The following ZNF726 variants were observed in gnomAD, a reference collection of about 807,000 sequenced individuals.
The protein encoded by ZNF726 is zinc finger protein 92 pseudogene 3.
In ZNF726, 15 loss-of-function variants were observed where a neutral mutation model predicts 11.6. The ratio of observed to expected loss-of-function variants is 1.29; its 90% CI spans 0.86 to 1.99. ZNF726 has a LOEUF of 1.99. ZNF726 is among the 30% of genes most tolerant of loss of function. ZNF726 has a pLI of 0.00. For missense variants in ZNF726, 890 were observed against 725.6 expected (o/e 1.23, Z -2.60); for synonymous variants, 295 against 243.6 (o/e 1.21, Z -1.96).
rs777685134 is a variant in ZNF726 at position 23,932,407 on chromosome 19, A to G, written c.291A>G (p.Lys97=). The G allele has an allele frequency of 6.5e-7, 1 of 1,537,504 alleles. No individual in the cohort carries two copies. Among genetic ancestry groups the G allele is most frequent in the Non-Finnish European group, 8.7e-7 (1 of 1,148,672 alleles). Residue 97 remains lysine (K), a synonymous_variant, in exon 4 of 4, where the codon AAA becomes AAG. Transcript: ENST00000594466. ...PEQGVEDSFQ[K]VILRRFEKCG... ...AGGGCGTGGAAGATTCTTTTCAAAAAGTAATACTAAGAAGATTTGAAAAAT... is the reference window on the plus strand; with the variant it reads ...AGGGCGTGGAAGATTCTTTTCAAAAGGTAATACTAAGAAGATTTGAAAAAT...
chr19:23,931,666 C>G (rs1449117993), intron 3 of ZNF726, among the ~76,000 whole-genome samples: 2 of 152,118 alleles, frequency 1.3e-5, no homozygotes, highest in Non-Finnish European at 2.9e-5. Context: ...TGTCTTGGCT[C>G]ATCATTATGG....
intron 4 of ZNF726, chr19:23,944,039 T>C (rs1014941725): frequency 3.9e-5 from 6 of 152,432 alleles, no homozygotes; most frequent in African/African-American, 1.4e-4. Context: ...CTTATTTCTC[T>C]ATTTTCTGTT....
intron 3 of ZNF726, among the ~76,000 whole-genome samples, chr19:23,942,621 T>C (rs910179948): frequency 2.0e-5 from 3 of 152,182 alleles, no homozygotes; most frequent in Non-Finnish European, 4.4e-5. Flanking sequence ...TTAATAATTG[T>C]TTTATAAATT....
Position 23,932,472 on chromosome 19 carries a change from GT to G in ZNF726, c.357del (p.Ser119ArgfsTer33). 6.3e-7 allele frequency: 1 copy of G among 1,585,918 alleles called. No homozygotes were observed. Among genetic ancestry groups the G allele is most frequent in the Non-Finnish European group, 8.5e-7 (1 of 1,169,682 alleles). On this transcript the variant is annotated frameshift_variant, in exon 4 of 4. Transcript: ENST00000594466. LOFTEE classifies it low-confidence loss of function (END_TRUNC). ...TTACAGTTAAGAAAAGGTTGTAAAA[GT>G]GTGGATGAGTGTAAGGTACACAAAG... ...ENLQLRKGCK[S>X]VDECKVHKEG...
At chr19:23,921,872 T>G (rs550549495) in intron 3 of ZNF726, among the ~76,000 whole-genome samples, 1 of 152,338 alleles carries the variant, frequency 6.6e-6, no homozygotes, top group African/African-American at 2.4e-5. Flanking sequence ...TTTTGACTAC[T>G]TCTTAATTCA....
At chr19:23,926,569 CAAAA>C (rs76766569) in intron 3 of ZNF726, among the ~76,000 whole-genome samples, 112 of 114,268 alleles carry the variant, frequency 9.8e-4, no homozygotes, top group Admixed American at 1.0e-3. Flanking sequence ...GACTCTGTTC[CAAAA>C]AAAAAAAAAA....
At chr19:23,925,086 T>C (rs981081686) in intron 3 of ZNF726, among the ~76,000 whole-genome samples, 5 of 152,202 alleles carry the variant, frequency 3.3e-5, no homozygotes, top group Non-Finnish European at 7.3e-5. Context: ...GTCTTATATA[T>C]CTAAGTGAAA....
intron 1 of ZNF726, among the ~76,000 whole-genome samples, chr19:23,917,838 A>G (rs1967742202): frequency 6.9e-6 from 1 of 144,338 alleles, no homozygotes; most frequent in Non-Finnish European, 1.5e-5. Flanking sequence ...TTAGTTTCAA[A>G]AATGAAATTA....
chr19:23,926,407 T>C (rs1423184836), intron 3 of ZNF726, among the ~76,000 whole-genome samples: 1 of 151,746 alleles, frequency 6.6e-6, no homozygotes, highest in Admixed American at 6.6e-5. Context: ...ACAAAAAAAT[T>C]AGCTGAGCGT....
downstream of ZNF726, chr19:23,936,250 G>A (rs1004394820): frequency 3.9e-5 from 6 of 152,102 alleles, no homozygotes; most frequent in Non-Finnish European, 8.8e-5. Flanking sequence ...AATATTTAGG[G>A]CACTCAAACT....
downstream of ZNF726, among the ~76,000 whole-genome samples, chr19:23,937,996 A>G (rs1290158656): frequency 6.6e-6 from 1 of 152,234 alleles, no homozygotes; most frequent in Non-Finnish European, 1.5e-5. Context: ...GTTAAATACT[A>G]TCATGAATTC....
intron 3 of ZNF726, among the ~76,000 whole-genome samples, chr19:23,939,640 GA>G (rs1421013185): frequency 1.3e-5 from 2 of 152,180 alleles, no homozygotes; most frequent in Non-Finnish European, 2.9e-5. Context: ...ATTTCCACTA[GA>G]AGTGTAGAAG....
chr19:23,915,126 C>G (rs2144949335), intron 1 of ZNF726, 129 bp downstream of exon 1: 1 of 1,424,374 alleles, frequency 7.0e-7, no homozygotes, highest in Non-Finnish European at 9.8e-7. Flanking sequence ...TGTTGCCCAG[C>G]TCGGCCTCAG....
chr19:23,934,016 C>A lies in ZNF726; in HGVS notation c.*49C>A, dbSNP rs759937915. 6.6e-6 allele frequency: 10 copies of A among 1,508,650 alleles called. No individual in the cohort carries two copies. The African/African-American group carries it at 1.3e-4, about 19-fold the overall frequency. 93.5% of individuals were successfully genotyped at this position (1,508,650 alleles called of 1,614,324 possible). A position where few individuals can be genotyped will look rare whatever the true frequency, so the allele number is the denominator to read the frequency against. On this transcript the variant is annotated 3_prime_UTR_variant, in exon 4 of 4. Coordinates refer to ENST00000594466, the MANE Select transcript of ZNF726 (RefSeq NM_001244038.2). ...AATGTGGCAAAGCATTTATATGGTCCTCAACGCTAAACATAAGAGGATGCA... is the reference window on the plus strand; with the variant it reads ...AATGTGGCAAAGCATTTATATGGTCATCAACGCTAAACATAAGAGGATGCA...
intron 2 of ZNF726, 40 bp downstream of exon 2, chr19:23,919,539 A>C: frequency 6.5e-7 from 1 of 1,533,374 alleles, no homozygotes; most frequent in Non-Finnish European, 8.7e-7. Flanking sequence ...ATATAAACTA[A>C]AGCTTTTATT....
In ZNF726 at chr19:23,919,472, G is replaced by C; in HGVS notation, c.103G>C (p.Glu35Gln). 6.2e-7 allele frequency: 1 copy of C among 1,605,158 alleles called. No homozygotes were observed. The highest frequency in any genetic ancestry group is 1.3e-5 in the African/African-American group (1 of 74,776). Residue 35 changes from glutamate (E) to glutamine (Q), a missense_variant, in exon 2 of 4, where the codon GAG (glutamate) becomes CAG (glutamine). Transcript: ENST00000594466. ...QKNLYRNVML[E>Q]NYRNLAFLGI... ...GAATTTATATAGGAATGTGATGTTA[G>C]AGAACTACAGAAACCTGGCCTTCCT...
At chr19:23,918,602 T>G (rs1371417363) in intron 1 of ZNF726, among the ~76,000 whole-genome samples, 3 of 152,208 alleles carry the variant, frequency 2.0e-5, no homozygotes, top group Admixed American at 1.3e-4. Flanking sequence ...CTTGTCCTAG[T>G]GCAGTTGATG....
intron 4 of ZNF726, chr19:23,943,831 CT>C (rs1196813300): frequency 3.0e-6 from 1 of 329,788 alleles, no homozygotes; most frequent in Non-Finnish European, 5.5e-6. Context: ...CTAAACTCCT[CT>C]TTATGGCTTA....
chr19:23,923,633 C>T (rs529581704), intron 3 of ZNF726: 28 of 173,454 alleles, frequency 1.6e-4, no homozygotes, highest in Non-Finnish European at 2.7e-4. Flanking sequence ...CTCCTGATCT[C>T]GTGATCTGCC....
Sources: allele counts gnomAD v4.1 joint callset (sites outside exome capture counted in the v4.1 genomes callset), GRCh38; gene constraint gnomAD v4.1.1; transcripts MANE v1.5; gene names NCBI Gene and HGNC (gene_info 2026-07-23, HGNC 2026-07-21).